BIRC6: variants seen among roughly 807,000 people sequenced by gnomAD.
BIRC6 encodes the protein baculoviral IAP repeat containing 6, also known as dual E2 ubiquitin-conjugating enzyme/E3 ubiquitin-protein ligase BIRC6.
In BIRC6, 98 loss-of-function variants were observed where a neutral mutation model predicts 503.3. The ratio of observed to expected loss-of-function variants is 0.19; its 90% confidence interval spans 0.17 to 0.23. BIRC6 has a LOEUF of 0.23. Among genes scored for constraint, BIRC6 ranks in the 10% least tolerant of loss-of-function variants. The probability of loss-of-function intolerance (pLI) is 1.00; values close to 1 mark genes in which losing one functional copy is unlikely to be tolerated. For synonymous variants in BIRC6, 2,240 were observed against 2,078.7 expected (o/e 1.08, Z -2.11); for missense variants, 5,360 against 5,806.0 (o/e 0.92, Z 2.50).
chr2:32,480,542 A>G (rs957982634), intron 37 of BIRC6, among the ~76,000 whole-genome samples: 1 of 149,884 alleles, frequency 6.7e-6, no homozygotes, highest in Non-Finnish European at 1.5e-5. Flanking sequence ...TATAAGGGTT[A>G]TAAGAAAGCT....
intron 26 of BIRC6, among the ~76,000 whole-genome samples, chr2:32,466,644 T>C (rs2148922076): frequency 6.6e-6 from 1 of 152,332 alleles, no homozygotes; most frequent in Admixed American, 6.5e-5. Flanking sequence ...TGCCAATGGC[T>C]GAAAGAAGAG....
intron 65 of BIRC6, chr2:32,563,580 T>C (rs1269475428): frequency 1.3e-5 from 2 of 152,186 alleles, no homozygotes; most frequent in African/African-American, 4.8e-5. Context: ...AGAAAATAAA[T>C]ATTTCAGTAT....
chr2:32,363,576 A>G (rs1456430577), intron 1 of BIRC6, among the ~76,000 whole-genome samples: 1 of 152,102 alleles, frequency 6.6e-6, no homozygotes, highest in Non-Finnish European at 1.5e-5. Flanking sequence ...GCCCCTCCCC[A>G]GTGTAGTACA....
chr2:32,526,376 A>T (rs2056274474), intron 59 of BIRC6: 1 of 152,214 alleles, frequency 6.6e-6, no homozygotes, highest in Non-Finnish European at 1.5e-5. Flanking sequence ...TGTGTGCATT[A>T]CTGTGTTTTT....
At chr2:32,364,849 A>G (rs969806808) in intron 1 of BIRC6, among the ~76,000 whole-genome samples, 2 of 150,796 alleles carry the variant, frequency 1.3e-5, no homozygotes, top group Non-Finnish European at 2.9e-5. Context: ...TGGTGCCTGC[A>G]TAGTCCTCAA....
chr2:32,436,375 T>C (rs2044698241), intron 15 of BIRC6, among the ~76,000 whole-genome samples, 191 bp downstream of exon 15: 1 of 152,204 alleles, frequency 6.6e-6, no homozygotes, highest in Non-Finnish European at 1.5e-5. Context: ...GATCCTACTT[T>C]TTGTGTCTTA....
chr2:32,436,242 G>A (rs182528639), intron 15 of BIRC6, 58 bp downstream of exon 15: 14,998 of 1,284,080 alleles, frequency 0.012, 105 homozygotes, highest in Non-Finnish European at 0.014. Context: ...TAAAAAAGAC[G>A]AAAAAAAACT....
chr2:32,500,207 G>A lies in BIRC6; in HGVS notation c.9031+98G>A, dbSNP rs993499491. 2.7e-6 allele frequency: 3 copies of A among 1,119,120 alleles called. No homozygotes were observed. The African/African-American group carries it at 4.7e-5, about 18-fold the overall frequency. The allele number at this position is 1,119,120 out of a possible 1,614,324, so 69.3% of individuals were successfully genotyped here. A position where few individuals can be genotyped will look rare whatever the true frequency, so the allele number is the denominator to read the frequency against. On this transcript the variant is annotated intron_variant, in intron 46 of 73. Transcript: ENST00000421745. The stretch of plus-strand genomic sequence containing the variant: ...ATTCATTTTCTTTTTACTTTATAGT[G>A]TAAAACTGCTTTAAGCTTTTCATGA...
chr2:32,551,273 T>G (rs2058401164), intron 65 of BIRC6, among the ~76,000 whole-genome samples: 1 of 151,950 alleles, frequency 6.6e-6, no homozygotes. Flanking sequence ...TAGTAATAAT[T>G]TTTTAAGTGG....
chr2:32,479,412 T>G (rs1184316273), intron 36 of BIRC6, 50 bp from the exon 37 acceptor site: 2 of 1,513,932 alleles, frequency 1.3e-6, no homozygotes, highest in East Asian at 2.4e-5. Context: ...TGTAATACAT[T>G]TTCGAAATCT....
rs2056563029 is a variant in BIRC6 at position 32,529,553 on chromosome 2, C to G, written c.11921-98C>G. 2.6e-6 allele frequency: 3 copies of G among 1,154,862 alleles called. No homozygotes were observed. In the Admixed American group the frequency reaches 9.0e-5, roughly 35 times the overall value. The allele number at this position is 1,154,862 out of a possible 1,614,324, so 71.5% of individuals were successfully genotyped here. On this transcript the variant is annotated intron_variant, in intron 59 of 73. Transcript: ENST00000421745. ...ATTGTTTTGAAATTGGTTTCAGAAT[C>G]AAACTCTTGCCTGTAATTTAGTAAA...
intron 3 of BIRC6, 51 bp downstream of exon 3, chr2:32,380,341 T>G: frequency 6.6e-7 from 1 of 1,519,918 alleles, no homozygotes; most frequent in Non-Finnish European, 8.8e-7. Context: ...AATGGACACC[T>G]CCATTCTTTT....
chr2:32,552,263 T>C (rs2058477928), intron 65 of BIRC6, among the ~76,000 whole-genome samples: 1 of 152,210 alleles, frequency 6.6e-6, no homozygotes, highest in African/African-American at 2.4e-5. Context: ...TAATGACTGT[T>C]AAAGATTGAG....
chr2:32,580,655 G>T lies in BIRC6; in HGVS notation c.13355+5289G>T, dbSNP rs115204083. ...TTGCATTATAGAAAGATGGTCTTCA[G>T]GTGTAGTTGAATGGTTGGAGGGGAA... is the stretch of plus-strand genomic sequence containing the variant. On this transcript the variant is annotated intron_variant, in intron 66 of 73. Coordinates refer to ENST00000421745, the MANE Select transcript of BIRC6 (RefSeq NM_016252.4). 2.8e-3 allele frequency among the ~76,000 whole-genome samples: 433 copies of T among 152,274 alleles called. 7 individuals carry two copies. The highest frequency in any genetic ancestry group is 0.01 in the African/African-American group (423 of 41,558).
chr2:32,437,985 T>C (rs1296772491), intron 15 of BIRC6, among the ~76,000 whole-genome samples: 1 of 152,194 alleles, frequency 6.6e-6, no homozygotes, highest in Non-Finnish European at 1.5e-5. Context: ...AGAGACACAG[T>C]CTCCCTGTGT....
At chr2:32,550,795 G>A (rs778488287) in intron 65 of BIRC6, among the ~76,000 whole-genome samples, 15 of 152,050 alleles carry the variant, frequency 9.9e-5, no homozygotes, top group Non-Finnish European at 1.8e-4. Flanking sequence ...AGTAATTGTT[G>A]TTCATGTAAG....
At chr2:32,477,635 A>G in intron 35 of BIRC6, 52 bp downstream of exon 35, 2 of 1,417,938 alleles carry the variant, frequency 1.4e-6, no homozygotes, top group Non-Finnish European at 9.8e-7. Flanking sequence ...GCAGTGGCTC[A>G]TGCCTGTAAT....
At chr2:32,393,893 C>T (rs950944028) in intron 5 of BIRC6, among the ~76,000 whole-genome samples, 4 of 151,588 alleles carry the variant, frequency 2.6e-5, no homozygotes, top group African/African-American at 9.7e-5. Flanking sequence ...ATTGATTATT[C>T]CTTCGTTATC....
intron 37 of BIRC6, among the ~76,000 whole-genome samples, chr2:32,480,846 T>C (rs1030319212): frequency 1.3e-5 from 2 of 152,064 alleles, no homozygotes; most frequent in Non-Finnish European, 1.5e-5. Context: ...TCTGCCATGT[T>C]GGTCAGGCTG....
Sources: allele counts gnomAD v4.1 joint callset (sites outside exome capture counted in the v4.1 genomes callset), GRCh38; gene constraint gnomAD v4.1.1; transcripts MANE v1.5; gene names NCBI Gene and HGNC (gene_info 2026-07-23, HGNC 2026-07-21).